Variants in VANGL2 observed in about 807,000 individuals in gnomAD.
The protein encoded by VANGL2 is vang-like protein 2.
In VANGL2, 14 loss-of-function variants were observed where a neutral mutation model predicts 50.2. The ratio of observed to expected loss-of-function variants is 0.28; its 90% confidence interval spans 0.18 to 0.44. The LOEUF is 0.44. VANGL2 is among the 20% of genes least tolerant of loss of function. The probability of loss-of-function intolerance (pLI) is 1.00; values close to 1 mark genes in which losing one functional copy is unlikely to be tolerated. For missense variants in VANGL2, 533 were observed against 701.5 expected, an observed-to-expected ratio of 0.76 and a Z score of 2.71; for synonymous variants, 295 against 297.2, an observed-to-expected ratio of 0.99 and a Z score of 0.08.
intron 7 of VANGL2, 96 bp downstream of exon 7, chr1:160,424,379 G>C (rs1362203101): frequency 1.6e-6 from 2 of 1,215,602 alleles, no homozygotes; most frequent in Non-Finnish European, 2.4e-6. Context: ...TTTCCTCACT[G>C]TCCACCTCAT....
At position 160,419,726 on chromosome 1, in the gene VANGL2, G is replaced by A. The variant is rs2101966770; in HGVS notation, c.800+117G>A. 7.0e-7 allele frequency: 1 copy of A among 1,430,786 alleles called. No homozygotes were observed. Among genetic ancestry groups the A allele is most frequent in the Non-Finnish European group, 9.3e-7 (1 of 1,081,016 alleles). The allele number at this position is 1,430,786 out of a possible 1,614,324, so 88.6% of individuals were successfully genotyped here. The stretch of plus-strand genomic sequence containing the variant: ...GGAGGTGATGGGCTTGGAGGGTTGT[G>A]TGGGAGGGAGTTGAGTACTTTGCAC... On this transcript the variant is annotated intron_variant, in intron 4 of 7. Coordinates refer to ENST00000368061, the MANE Select transcript of VANGL2 (RefSeq NM_020335.3). The surrounding 1 kb of genome is among the most constrained non-coding windows in gnomAD (Gnocchi z 5.8).
chr1:160,418,300 G>A lies in VANGL2; in HGVS notation c.193-702G>A, dbSNP rs535619061. 1.8e-4 allele frequency among the ~76,000 whole-genome samples: 27 copies of A among 152,176 alleles called. 1 individual carries two copies. Among genetic ancestry groups the A allele is most frequent in the African/African-American group, 6.3e-4 (26 of 41,520 alleles). On this transcript the variant is annotated intron_variant, in intron 3 of 7. Coordinates refer to ENST00000368061, the MANE Select transcript of VANGL2 (RefSeq NM_020335.3). ...TGCAGATTTGGTTCAGTAAACATGC[G>A]GTGGGCCTGAGGTTCCGCCTTTCTA... is the stretch of plus-strand genomic sequence containing the variant.
chr1:160,405,174 TCC>T (rs1650608742), intron 1 of VANGL2, among the ~76,000 whole-genome samples: 1 of 152,134 alleles, frequency 6.6e-6, no homozygotes, highest in South Asian at 2.1e-4. Context: ...GACATCAGCT[TCC>T]CCTCTCTCTG....
chr1:160,413,960 C>T (rs1382247793), intron 1 of VANGL2, among the ~76,000 whole-genome samples: 11 of 152,176 alleles, frequency 7.2e-5, no homozygotes, highest in Non-Finnish European at 1.6e-4. Context: ...CCCCAGTCTT[C>T]CCTACCCTAC....
chr1:160,410,353 C>A (rs903686231), intron 1 of VANGL2, among the ~76,000 whole-genome samples: 2 of 152,184 alleles, frequency 1.3e-5, no homozygotes, highest in African/African-American at 2.4e-5. Flanking sequence ...TCCCTGCCCC[C>A]CTTTTCTTCC....
At chr1:160,413,260 T>C (rs4656906) in intron 1 of VANGL2, among the ~76,000 whole-genome samples, 80,788 of 151,638 alleles carry the variant, frequency 0.53, 22,517 homozygotes, top group African/African-American at 0.7. Context: ...GTAAAGGTAA[T>C]GATACAAAGC....
At chr1:160,414,775 T>C (rs1282127117) in intron 1 of VANGL2, among the ~76,000 whole-genome samples, 2 of 133,676 alleles carry the variant, frequency 1.5e-5, no homozygotes, top group Non-Finnish European at 3.1e-5. Flanking sequence ...GCAGGGAAGA[T>C]AACATTGGGT....
rs1651366791 is a variant in VANGL2, at chr1:160,424,120, C to T, written c.1142C>T (p.Pro381Leu). 1 of 1,614,094 alleles carries T rather than the reference C, an allele frequency of 6.2e-7. No homozygotes were observed. Among genetic ancestry groups the T allele is most frequent in the Non-Finnish European group, 8.5e-7 (1 of 1,179,966 alleles). ...CTGCAGGAAGAGGAGCAGAAAAACC[C>T]CAGGGAGGTGATGGACCCCCGGGAG... ...KRLQEEEQKN[P>L]REVMDPREAA... The change falls in exon 7 of 8, where the codon CCC becomes CTC. Residue 381 changes from proline (P) to leucine (L), a missense_variant. By Grantham distance (98) the Pro-to-Leu change is moderately conservative (BLOSUM62 -3). Transcript: ENST00000368061.
rs563266644 is a variant in VANGL2 at position 160,426,911 on chromosome 1, C to T, written c.*1533C>T. 2.7e-4 allele frequency: 41 copies of T among 152,410 alleles called. No homozygotes were observed. The highest frequency in any genetic ancestry group is 8.9e-4 in the African/African-American group (37 of 41,564). The allele number at this position is 152,410 out of a possible 1,614,324, so 9.4% of individuals were successfully genotyped here. ...TGCAGAGCACATCCTGGGATAAGATCCCCAGTGTCTCCCCTGGGAGGCTCC... is the reference window on the plus strand; with the variant it reads ...TGCAGAGCACATCCTGGGATAAGATTCCCAGTGTCTCCCCTGGGAGGCTCC... On this transcript the variant is annotated 3_prime_UTR_variant, in exon 8 of 8. Coordinates refer to ENST00000368061, the MANE Select transcript of VANGL2 (RefSeq NM_020335.3).
intron 3 of VANGL2, among the ~76,000 whole-genome samples, 184 bp from the exon 4 acceptor site, chr1:160,418,818 C>T (rs1361109041): frequency 2.0e-5 from 3 of 152,200 alleles, no homozygotes. Flanking sequence ...CTTTGACACA[C>T]ATTGGAGCTC....
chr1:160,402,911 T>A (rs1020148251), intron 1 of VANGL2, among the ~76,000 whole-genome samples: 1 of 152,024 alleles, frequency 6.6e-6, no homozygotes, highest in East Asian at 1.9e-4. Flanking sequence ...AGTGGCTGGG[T>A]TGAGGCACCC....
chr1:160,406,886 G>A (rs896306153), intron 1 of VANGL2, among the ~76,000 whole-genome samples: 1 of 152,090 alleles, frequency 6.6e-6, no homozygotes, highest in African/African-American at 2.4e-5. Flanking sequence ...GCACCACCAT[G>A]CCTGGCTAAT....
chr1:160,408,623 G>A (rs1159803794), intron 1 of VANGL2, among the ~76,000 whole-genome samples: 1 of 152,122 alleles, frequency 6.6e-6, no homozygotes, highest in Middle Eastern at 3.2e-3. Context: ...CCACCCTGGG[G>A]CTATGAGGAT....
At chr1:160,421,420 G>A (rs970403428) in intron 6 of VANGL2, among the ~76,000 whole-genome samples, 3 of 152,178 alleles carry the variant, frequency 2.0e-5, no homozygotes, top group African/African-American at 7.2e-5. Context: ...GCTGGAGGCT[G>A]TGCTCAGGCC....
rs763827180 is a variant in VANGL2 at position 160,420,477 on chromosome 1, C to T, written c.867C>T (p.Ala289=). The T allele has an allele frequency of 5.6e-5, 90 of 1,613,992 alleles. No homozygotes were observed. Among genetic ancestry groups the T allele is most frequent in the Non-Finnish European group, 7.2e-5 (85 of 1,180,036 alleles). ...ATGACTTCCCTGTCTACAACCCTGC[C>T]CTCCTCAACCTGCCCAAGTCCGTCC... ...YYHDFPVYNP[A]LLNLPKSVLA... Residue 289 remains alanine (A), a synonymous_variant, in exon 5 of 8, where the codon GCC becomes GCT. Transcript: ENST00000368061.
At chr1:160,406,574 G>T (rs1298213453) in intron 1 of VANGL2, among the ~76,000 whole-genome samples, 2 of 152,106 alleles carry the variant, frequency 1.3e-5, no homozygotes, top group African/African-American at 4.8e-5. Context: ...GTGGGGTCTT[G>T]TTTGTGAATG....
At chr1:160,401,300 C>T (rs757792073) in intron 1 of VANGL2, among the ~76,000 whole-genome samples, 3 of 151,642 alleles carry the variant, frequency 2.0e-5, no homozygotes, top group South Asian at 2.1e-4. Flanking sequence ...TGCATACACC[C>T]CTCAGGAGCG....
At position 160,420,546 on chromosome 1, in the gene VANGL2, G is replaced by T. The variant is rs567154551; in HGVS notation, c.936G>T (p.Glu312Asp). Residue 312 changes from glutamate to aspartate, a missense_variant and splice_region_variant, in exon 5 of 8, where the codon GAG becomes GAT. Coordinates refer to ENST00000368061, the MANE Select transcript of VANGL2 (RefSeq NM_020335.3). ...GCTTCAAGGTGTATTCCCTCGGAGA[G>T]GGTGAGCAGCCCTGCTCCTCTGCCC... is the stretch of plus-strand genomic sequence containing the variant. ...VSGFKVYSLG[E>D]ENSTNNSTGQ... 16 of 1,614,190 alleles carry T rather than the reference G, an allele frequency of 9.9e-6. No individual in the cohort carries two copies. Among genetic ancestry groups the T allele is most frequent in the Non-Finnish European group, 1.4e-5 (16 of 1,180,032 alleles).
intron 1 of VANGL2, among the ~76,000 whole-genome samples, chr1:160,404,547 A>G (rs751305177): frequency 1.8e-4 from 28 of 152,182 alleles, no homozygotes; most frequent in Middle Eastern, 3.4e-3. Flanking sequence ...ACCCATACCC[A>G]TTACACAATT....
Sources: allele counts gnomAD v4.1 joint callset (sites outside exome capture counted in the v4.1 genomes callset), GRCh38; gene constraint gnomAD v4.1.1; non-coding constraint Gnocchi (gnomAD v3.1); transcripts MANE v1.5; gene names NCBI Gene and HGNC (gene_info 2026-07-23, HGNC 2026-07-21).